Variants in KIAA1217 observed in about 807,000 individuals in gnomAD.
The protein encoded by KIAA1217 is sickle tail protein homolog.
Under a neutral mutation model 163.9 loss-of-function variants are expected in KIAA1217, and 88 were observed. The observed-to-expected ratio is 0.54, with a 90% confidence interval of 0.45 to 0.64. The LOEUF (loss-of-function observed/expected upper bound fraction) is 0.64, where lower values mean the gene tolerates loss of function less well. KIAA1217 is among the 30% of genes least tolerant of loss of function. The pLI, the probability that KIAA1217 is intolerant of heterozygous loss-of-function variation, is 0.00. For synonymous variants in KIAA1217, 903 were observed against 923.1 expected (o/e 0.98, Z 0.39); for missense variants, 2,372 against 2,475.0 (o/e 0.96, Z 0.88).
chr10:23,829,592 C>T (rs1440036611), intron 1 of KIAA1217, among the ~76,000 whole-genome samples: 1 of 152,102 alleles, frequency 6.6e-6, no homozygotes, highest in South Asian at 2.1e-4. Flanking sequence ...ACTATTTAAT[C>T]CAAGTGTTTT....
intron 1 of KIAA1217, among the ~76,000 whole-genome samples, chr10:23,864,239 G>T (rs1257735506): frequency 6.6e-6 from 1 of 151,856 alleles, no homozygotes; most frequent in Non-Finnish European, 1.5e-5. Flanking sequence ...CTCTTATTGT[G>T]CCCTGAAATG....
intron 1 of KIAA1217, among the ~76,000 whole-genome samples, chr10:23,772,009 C>A (rs1834818910): frequency 1.3e-5 from 2 of 152,102 alleles, no homozygotes; most frequent in South Asian, 4.1e-4. Context: ...AATACATGAG[C>A]CCATCATATT....
At chr10:24,161,619 T>C (rs2065124016) in intron 2 of KIAA1217, among the ~76,000 whole-genome samples, 1 of 152,214 alleles carries the variant, frequency 6.6e-6, no homozygotes, top group African/African-American at 2.4e-5. Context: ...AAGATATAAG[T>C]TGAGAACACA....
intron 1 of KIAA1217, among the ~76,000 whole-genome samples, chr10:23,831,523 T>A (rs1332194762): frequency 6.6e-6 from 1 of 152,166 alleles, no homozygotes; most frequent in African/African-American, 2.4e-5. Flanking sequence ...ACAACAGGGA[T>A]TTCCTTGGTG....
chr10:23,947,247 A>T (rs1256765647), intron 1 of KIAA1217, among the ~76,000 whole-genome samples: 1 of 152,206 alleles, frequency 6.6e-6, no homozygotes, highest in African/African-American at 2.4e-5. Flanking sequence ...TAACATGAGA[A>T]TGAATTCATT....
intron 2 of KIAA1217, among the ~76,000 whole-genome samples, chr10:24,068,599 T>C (rs1169425946): frequency 6.6e-6 from 1 of 152,224 alleles, no homozygotes; most frequent in Non-Finnish European, 1.5e-5. Context: ...ACAAGACTGC[T>C]ACAGAAGAAG....
chr10:24,307,524 C>T lies in KIAA1217; in HGVS notation c.355-73345C>T, dbSNP rs1377796975. ...GGCATGGTAGCTCATGCTTATAATC[C>T]CAGCGCTTTGGGAGGTCAAAGTGGA... On this transcript the variant is annotated intron_variant, in intron 2 of 20. Coordinates refer to ENST00000376454, the MANE Select transcript of KIAA1217 (RefSeq NM_019590.5). Among the ~76,000 whole-genome samples the T allele has an allele frequency of 2.0e-5, 3 of 151,848 alleles. No homozygotes were observed. The East Asian group carries it at 5.8e-4, about 29-fold the overall frequency.
intron 1 of KIAA1217, among the ~76,000 whole-genome samples, chr10:23,787,181 A>T (rs1357742766): frequency 6.6e-6 from 1 of 152,168 alleles, no homozygotes; most frequent in Non-Finnish European, 1.5e-5. Context: ...ATATTTCCAA[A>T]TGTTCACCAA....
chr10:24,201,399 A>G lies in KIAA1217; in HGVS notation c.-170-18227A>G, dbSNP rs114690391. Among the ~76,000 whole-genome samples, 615 of 152,284 alleles carry G rather than the reference A, an allele frequency of 4.0e-3. 1 individual carries two copies. The highest frequency in any genetic ancestry group is 0.014 in the African/African-American group (589 of 41,558). ...CATTAAATATTTTATCCCACTCAAT[A>G]TTGTCCAGTTCAGAGATTGTAAATT... On this transcript the variant is annotated intron_variant, in intron 2 of 18. Coordinates refer to the KIAA1217 transcript ENST00000376462.
At chr10:24,090,164 C>CTTTTTTTTTTT (rs1162687231) in intron 2 of KIAA1217, among the ~76,000 whole-genome samples, 13 of 109,232 alleles carry the variant, frequency 1.2e-4, no homozygotes, top group South Asian at 3.0e-4. Context: ...TTTTCTTTTT[C>CTTTTTTTTTTT]TTTTTTTTTT....
intron 9 of KIAA1217, among the ~76,000 whole-genome samples, chr10:24,503,756 G>A (rs1195213918): frequency 6.6e-6 from 1 of 152,214 alleles, no homozygotes; most frequent in African/African-American, 2.4e-5. Flanking sequence ...GGGGCCTATC[G>A]GCTCCCAAGT....
chr10:24,008,814 G>GT (rs1847122051), intron 2 of KIAA1217, among the ~76,000 whole-genome samples: 1 of 152,148 alleles, frequency 6.6e-6, no homozygotes, highest in Non-Finnish European at 1.5e-5. Context: ...AGATGCTGCC[G>GT]TAACACGAGG....
At chr10:24,229,528 A>G (rs1159191787) in intron 2 of KIAA1217, among the ~76,000 whole-genome samples, 2 of 152,072 alleles carry the variant, frequency 1.3e-5, no homozygotes, top group African/African-American at 4.8e-5. Context: ...TTATTTATTT[A>G]TTCTTTTGAG....
intron 2 of KIAA1217, among the ~76,000 whole-genome samples, chr10:24,175,466 TTTA>T (rs1223421143): frequency 2.0e-5 from 3 of 151,748 alleles, no homozygotes; most frequent in Admixed American, 6.6e-5. Flanking sequence ...TGTGTGTGTG[TTTA>T]TTGTTTTTCA....
At chr10:24,404,782 C>T (rs73604475) in intron 3 of KIAA1217, among the ~76,000 whole-genome samples, 2,971 of 152,176 alleles carry the variant, frequency 0.02, 100 homozygotes, top group African/African-American at 0.066. Context: ...ACGATACATG[C>T]ATACCATGGA....
chr10:24,300,260 G>A (rs2041149240), intron 2 of KIAA1217, among the ~76,000 whole-genome samples: 2 of 152,196 alleles, frequency 1.3e-5, no homozygotes, highest in African/African-American at 4.8e-5. Flanking sequence ...TCACTGCTTA[G>A]TCAGTTTCCT....
intron 1 of KIAA1217, among the ~76,000 whole-genome samples, chr10:23,929,661 C>T (rs1843173687): frequency 6.6e-6 from 1 of 152,126 alleles, no homozygotes; most frequent in African/African-American, 2.4e-5. Flanking sequence ...TTTTTTGTGG[C>T]TGCGTAGTAT....
intron 3 of KIAA1217, among the ~76,000 whole-genome samples, chr10:24,391,559 G>T (rs904708569): frequency 2.6e-5 from 4 of 151,838 alleles, no homozygotes; most frequent in Non-Finnish European, 5.9e-5. Context: ...TGGCCAAGCT[G>T]GTCTCGAACT....
intron 5 of KIAA1217, among the ~76,000 whole-genome samples, chr10:24,463,152 A>G (rs2062598144): frequency 6.6e-6 from 1 of 152,214 alleles, no homozygotes; most frequent in Non-Finnish European, 1.5e-5. Context: ...AGTGTCAGTG[A>G]GAAGGACATT....
Sources: allele counts gnomAD v4.1 joint callset (sites outside exome capture counted in the v4.1 genomes callset), GRCh38; gene constraint gnomAD v4.1.1; transcripts MANE v1.5; gene names NCBI Gene and HGNC (gene_info 2026-07-23, HGNC 2026-07-21).